The following NR2C1 variants were observed in gnomAD, a reference collection of about 807,000 sequenced individuals.
NR2C1 encodes the protein TR2 nuclear hormone receptor.
In NR2C1, 33 loss-of-function variants were observed where a neutral mutation model predicts 74.8. That is an observed-to-expected ratio of 0.44 (90% CI 0.33 to 0.59). The LOEUF (loss-of-function observed/expected upper bound fraction) is 0.59. Among genes scored for constraint, NR2C1 ranks in the 20% least tolerant of loss-of-function variants. NR2C1 has a pLI of 0.02. For synonymous variants in NR2C1, 225 were observed against 240.6 expected (o/e 0.94, Z 0.60); for missense variants, 568 against 715.6 (o/e 0.79, Z 2.35).
chr12:95,036,282 A>AG (rs1870814229), intron 10 of NR2C1, among the ~76,000 whole-genome samples: 1 of 151,308 alleles, frequency 6.6e-6, no homozygotes, highest in South Asian at 2.1e-4. Flanking sequence ...TAAAAAAAAA[A>AG]AAAAAAAAGG....
intron 7 of NR2C1, among the ~76,000 whole-genome samples, chr12:95,056,327 G>C (rs918238629): frequency 3.3e-5 from 5 of 152,066 alleles, no homozygotes; most frequent in Middle Eastern, 6.3e-3. Context: ...TCTGTTTTCA[G>C]ATATGAGTTT....
chr12:95,050,396 T>C (rs1872817689), intron 8 of NR2C1, among the ~76,000 whole-genome samples: 1 of 152,080 alleles, frequency 6.6e-6, no homozygotes, highest in Admixed American at 6.6e-5. Context: ...GCAACCTCCA[T>C]CTCTGGGGTT....
At position 95,025,249 on chromosome 12, in the gene NR2C1, G is replaced by A. The variant is rs1235695465; in HGVS notation, c.1538C>T (p.Pro513Leu). 6.4e-7 allele frequency: 1 copy of A among 1,566,656 alleles called. No homozygotes were observed. ...TATCTGTTCCATGTTTTCTAGGCTT[G>A]GATGATCTGAAACATTAAAGAAAAC... ...KAIVLFSPDHPSLENMEQIEK... is the reference protein window; with the variant it reads ...KAIVLFSPDHLSLENMEQIEK... Residue 513 changes from proline to leucine, a missense_variant, in exon 13 of 14, where the codon CCA becomes CTA. This residue lies in a region of NR2C1 where 117 missense variants were observed against 186.7 expected (regional missense o/e 0.63). Transcript: ENST00000333003.
intron 10 of NR2C1, among the ~76,000 whole-genome samples, chr12:95,037,866 G>C (rs1279339218): frequency 7.2e-6 from 1 of 139,804 alleles, no homozygotes; most frequent in Non-Finnish European, 1.5e-5. Flanking sequence ...CTGCACTCCA[G>C]TCTGGGCGAC....
intron 8 of NR2C1, 78 bp downstream of exon 8, chr12:95,051,684 C>G: frequency 8.1e-7 from 1 of 1,236,274 alleles, no homozygotes; most frequent in Non-Finnish European, 1.1e-6. Flanking sequence ...TTATAAATAG[C>G]ATTTAACATA....
At chr12:95,045,620 C>A (rs1872214473) in intron 9 of NR2C1, among the ~76,000 whole-genome samples, 1 of 152,074 alleles carries the variant, frequency 6.6e-6, no homozygotes, top group Non-Finnish European at 1.5e-5. Context: ...AAGTTGCAAA[C>A]ATGGGCGACC....
chr12:95,055,588 C>T (rs1873708143), intron 7 of NR2C1, among the ~76,000 whole-genome samples: 1 of 152,138 alleles, frequency 6.6e-6, no homozygotes, highest in Non-Finnish European at 1.5e-5. Flanking sequence ...ATTTAGAGCG[C>T]CTTAAAGCAT....
rs1465642597 is a variant in NR2C1, at chr12:95,031,424, G to A, written c.1318C>T (p.Gln440Ter). ...WNELFTLGLA[Q>*]CWQVMNVATI... Reference sequence around the variant, plus strand: ...GCTACATTCATCACTTGCCAGCACTGGGCAAGACCAAGAGTAAAAAGTTCA... The same window carrying A: ...GCTACATTCATCACTTGCCAGCACTAGGCAAGACCAAGAGTAAAAAGTTCA... Residue 440 changes from glutamine to a stop codon, truncating the protein, a stop_gained, in exon 11 of 14, where the codon CAG becomes TAG. Transcript: ENST00000333003. LOFTEE classifies it high-confidence loss of function. 1 of 1,607,952 alleles carries A rather than the reference G, an allele frequency of 6.2e-7. No individual in the cohort carries two copies. The highest frequency in any genetic ancestry group is 1.7e-5 in the Admixed American group (1 of 58,936).
chr12:95,030,954 T>C (rs1565835677), intron 11 of NR2C1: 1 of 1,114,248 alleles, frequency 9.0e-7, no homozygotes, highest in Admixed American at 2.0e-5. Flanking sequence ...CTCTGATGAA[T>C]TGATACAAAA....
intron 2 of NR2C1, 70 bp from the exon 3 acceptor site, chr12:95,062,808 G>GA: frequency 8.6e-7 from 1 of 1,168,086 alleles, no homozygotes; most frequent in Admixed American, 1.8e-5. Flanking sequence ...TATCTTCTTA[G>GA]AAAAGCACAT....
At chr12:95,053,213 A>T (rs934767536) in intron 7 of NR2C1, among the ~76,000 whole-genome samples, 5 of 152,100 alleles carry the variant, frequency 3.3e-5, no homozygotes, top group Non-Finnish European at 5.9e-5. Flanking sequence ...GGCTCAAGTG[A>T]TCTACCTGCC....
intron 11 of NR2C1, 87 bp downstream of exon 11, chr12:95,031,259 AATT>A: frequency 1.3e-6 from 1 of 757,020 alleles, no homozygotes; most frequent in Non-Finnish European, 1.9e-6. Context: ...CTAATATAAT[AATT>A]ATTAGATATC....
chr12:95,024,886 G>A (rs1869163375), intron 13 of NR2C1, among the ~76,000 whole-genome samples: 2 of 152,216 alleles, frequency 1.3e-5, no homozygotes, highest in Admixed American at 1.3e-4. Flanking sequence ...TTGGGTCACA[G>A]TCAGGTGCTA....
At chr12:95,056,474 G>A (rs1358076554) in intron 7 of NR2C1, among the ~76,000 whole-genome samples, 1 of 152,096 alleles carries the variant, frequency 6.6e-6, no homozygotes, top group Non-Finnish European at 1.5e-5. Context: ...ATCTCTAAGA[G>A]AACTGGATGA....
At chr12:95,053,006 CAG>C (rs1461609491) in intron 7 of NR2C1, among the ~76,000 whole-genome samples, 2 of 150,944 alleles carry the variant, frequency 1.3e-5, no homozygotes, top group African/African-American at 4.9e-5. Flanking sequence ...TTTTTTGAGA[CAG>C]AGTCTCACTC....
intron 8 of NR2C1, chr12:95,049,453 G>T: frequency 2.5e-6 from 1 of 399,108 alleles, no homozygotes. Context: ...ATAATTAAGG[G>T]GGAGAAGCAT....
Position 95,040,672 on chromosome 12 carries a change from T to G in NR2C1, c.1132-75A>C, listed in dbSNP as rs369909050. ...AAATTATCATTTCTTTGAAAAAGTTTAAACGTAACACATCAAATGAGAGCT... is the reference window on the plus strand; with the variant it reads ...AAATTATCATTTCTTTGAAAAAGTTGAAACGTAACACATCAAATGAGAGCT... On this transcript the variant is annotated intron_variant, in intron 9 of 13. Transcript: ENST00000333003. 2,070 of 1,373,168 alleles carry G rather than the reference T, an allele frequency of 1.5e-3. 36 individuals are homozygous for G. The South Asian group carries it at 0.028, about 18-fold the overall frequency. The allele number at this position is 1,373,168 out of a possible 1,614,324, so 85.1% of individuals were successfully genotyped here.
intron 2 of NR2C1, among the ~76,000 whole-genome samples, chr12:95,063,956 G>C (rs1875203987): frequency 6.7e-6 from 1 of 149,074 alleles, no homozygotes; most frequent in African/African-American, 2.5e-5. Flanking sequence ...TTGAACCCTG[G>C]AGGCGGAGGT....
At chr12:95,060,629 T>C (rs927913276) in intron 3 of NR2C1, among the ~76,000 whole-genome samples, 6 of 152,234 alleles carry the variant, frequency 3.9e-5, no homozygotes, top group Non-Finnish European at 7.3e-5. Context: ...CACTTTGGCC[T>C]GGGAGACAGA....
Sources: allele counts gnomAD v4.1 joint callset (sites outside exome capture counted in the v4.1 genomes callset), GRCh38; gene constraint gnomAD v4.1.1; regional missense constraint gnomAD v4.1.1; transcripts MANE v1.5; gene names NCBI Gene and HGNC (gene_info 2026-07-23, HGNC 2026-07-21).